DHX36: variants seen among roughly 807,000 people sequenced by gnomAD.
The protein encoded by DHX36 is ATP-dependent DNA/RNA helicase DHX36.
A neutral mutation model predicts 139.0 loss-of-function variants in DHX36; 50 were observed. The observed-to-expected ratio is 0.36, with a 90% CI of 0.29 to 0.46. DHX36 has a LOEUF of 0.46. DHX36 is among the 20% of genes least tolerant of loss of function. DHX36 has a pLI of 1.00. For missense variants in DHX36, 1,024 were observed against 1,211.3 expected, an observed-to-expected ratio of 0.85 and a Z score of 2.29; for synonymous variants, 425 against 401.9, an observed-to-expected ratio of 1.06 and a Z score of -0.69.
intron 23 of DHX36, among the ~76,000 whole-genome samples, chr3:154,277,245 G>A (rs1385354864): frequency 6.6e-6 from 1 of 151,962 alleles, no homozygotes. Flanking sequence ...TAAATAAACA[G>A]AATCTCAACA....
In DHX36 at chr3:154,324,227, T is replaced by C. The variant is rs761165750; in HGVS notation, c.190A>G (p.Met64Val). 1 of 1,613,582 alleles carries C rather than the reference T, an allele frequency of 6.2e-7. No individual in the cohort carries two copies. Among genetic ancestry groups the C allele is most frequent in the Non-Finnish European group, 8.5e-7 (1 of 1,179,712 alleles). ...TGCCCCTGTTTTTTCGCGTACCACA[T>C]GCCGATTTCGCGGCCTTTCAGGTGC... is the stretch of plus-strand genomic sequence containing the variant. ...PGHLKGREIG[M>V]WYAKKQGQKN... Residue 64 changes from methionine (M) to valine (V), a missense_variant, in exon 1 of 25, where the codon ATG becomes GTG. By Grantham distance (21) the Met-to-Val change is conservative. Transcript: ENST00000496811.
intron 2 of DHX36, among the ~76,000 whole-genome samples, chr3:154,315,802 T>C (rs566119904): frequency 1.3e-5 from 2 of 152,196 alleles, no homozygotes; most frequent in South Asian, 2.1e-4. Context: ...GGGAGAACAA[T>C]AAATAACAAC....
chr3:154,291,083 C>T (rs796145219), intron 15 of DHX36, among the ~76,000 whole-genome samples: 1,775 of 122,470 alleles, frequency 0.014, 41 homozygotes, highest in African/African-American at 0.052. Context: ...TGCAGTGAGC[C>T]GAGATCCCGC....
At chr3:154,292,327 C>G (rs1416695096) in intron 15 of DHX36, among the ~76,000 whole-genome samples, 2 of 152,036 alleles carry the variant, frequency 1.3e-5, no homozygotes, top group Non-Finnish European at 2.9e-5. Context: ...ATTAATCAAA[C>G]TTAGAAATTG....
At position 154,280,937 on chromosome 3, in the gene DHX36, A is replaced by C. The variant is rs1719316107; in HGVS notation, c.2377-75T>G. The C allele has an allele frequency of 4.5e-6, 5 of 1,101,428 alleles. No homozygotes were observed. The Admixed American group carries it at 6.4e-5, about 14-fold the overall frequency. 68.2% of individuals were successfully genotyped at this position (1,101,428 alleles called of 1,614,324 possible). A position where few individuals can be genotyped will look rare whatever the true frequency, so the allele number is the denominator to read the frequency against. ...GGCTATAAACCATACACTAATAGAT[A>C]AATTGAGTTGTAAGCTATCCCTGCT... On this transcript the variant is annotated intron_variant, in intron 20 of 24. Coordinates refer to ENST00000496811, the MANE Select transcript of DHX36 (RefSeq NM_020865.3).
intron 8 of DHX36, 27 bp from the exon 9 acceptor site, chr3:154,303,437 T>A: frequency 6.7e-7 from 1 of 1,498,254 alleles, no homozygotes; most frequent in Non-Finnish European, 9.1e-7. Context: ...AATATAAGCA[T>A]AAATTTGTAC....
chr3:154,317,788 G>C (rs1331607251), intron 1 of DHX36, among the ~76,000 whole-genome samples: 2 of 151,980 alleles, frequency 1.3e-5, no homozygotes, highest in African/African-American at 4.8e-5. Context: ...AAAGCAGACA[G>C]CAATGTGTAA....
At chr3:154,295,632 T>A (rs1466814637) in intron 12 of DHX36, among the ~76,000 whole-genome samples, 3 of 152,250 alleles carry the variant, frequency 2.0e-5, no homozygotes, top group African/African-American at 7.2e-5. Flanking sequence ...TCTGTTAGTT[T>A]ATTTCATATT....
intron 1 of DHX36, among the ~76,000 whole-genome samples, chr3:154,322,414 G>T (rs893880650): frequency 6.6e-6 from 1 of 152,240 alleles, no homozygotes; most frequent in Non-Finnish European, 1.5e-5. Flanking sequence ...AAGAATGGAA[G>T]CTAGATGACT....
At chr3:154,291,521 T>G (rs954536878) in intron 15 of DHX36, among the ~76,000 whole-genome samples, 1 of 152,170 alleles carries the variant, frequency 6.6e-6, no homozygotes, top group South Asian at 2.1e-4. Context: ...GATAACTGAT[T>G]ATTAGGAGGG....
intron 1 of DHX36, among the ~76,000 whole-genome samples, chr3:154,317,125 AT>A (rs1252172014): frequency 1.3e-5 from 2 of 152,098 alleles, no homozygotes; most frequent in African/African-American, 4.8e-5. Flanking sequence ...GGAAGAAAGA[AT>A]CAAAGAACTG....
At chr3:154,297,090 A>G (rs946049323) in intron 12 of DHX36, among the ~76,000 whole-genome samples, 1 of 152,224 alleles carries the variant, frequency 6.6e-6, no homozygotes, top group Non-Finnish European at 1.5e-5. Context: ...GGTCTTTTCC[A>G]TGACTTTACA....
intron 12 of DHX36, among the ~76,000 whole-genome samples, chr3:154,295,707 A>G (rs1394546263): frequency 6.6e-6 from 1 of 152,194 alleles, no homozygotes; most frequent in Non-Finnish European, 1.5e-5. Context: ...TTCAAATTAC[A>G]CCAATAAAAA....
intron 20 of DHX36, among the ~76,000 whole-genome samples, chr3:154,281,235 G>A (rs149044209): frequency 2.0e-5 from 3 of 151,922 alleles, no homozygotes; most frequent in African/African-American, 7.3e-5. Flanking sequence ...AAGACTAATA[G>A]AATTTTTAAA....
intron 8 of DHX36, among the ~76,000 whole-genome samples, chr3:154,303,808 C>T (rs2217955): frequency 0.06 from 9,069 of 152,100 alleles, 628 homozygotes; most frequent in East Asian, 0.25. Flanking sequence ...TTGTAGCACC[C>T]GGAATTAGCG....
At chr3:154,312,649 T>A (rs1199592806) in intron 3 of DHX36, among the ~76,000 whole-genome samples, 2 of 151,092 alleles carry the variant, frequency 1.3e-5, no homozygotes, top group Non-Finnish European at 2.9e-5. Context: ...GAGACCAGCC[T>A]GGCCAGCAAG....
At chr3:154,322,376 G>T (rs1173290323) in intron 1 of DHX36, among the ~76,000 whole-genome samples, 1 of 152,178 alleles carries the variant, frequency 6.6e-6, no homozygotes. Context: ...ACCATAGGCG[G>T]CTCTGTAAAG....
rs1293330018 is a variant in DHX36, at chr3:154,311,641, G to A, written c.637C>T (p.Gln213Ter). 1 of 1,595,820 alleles carries A rather than the reference G, an allele frequency of 6.3e-7. No homozygotes were observed. The highest frequency in any genetic ancestry group is 8.5e-7 in the Non-Finnish European group (1 of 1,174,698). ...FREKLPSYGM[Q>*]KELVNLIDNH... ...AGTGGAAAAAAGCACTTTACCTTTTGCATTCCATACGAAGGCAGCTTTTCT... is the reference window on the plus strand; with the variant it reads ...AGTGGAAAAAAGCACTTTACCTTTTACATTCCATACGAAGGCAGCTTTTCT... The change falls in exon 4 of 25, where the codon CAA (glutamine) becomes TAA (stop). Residue 213 changes from glutamine to a stop codon, truncating the protein, a stop_gained. Coordinates refer to ENST00000496811, the MANE Select transcript of DHX36 (RefSeq NM_020865.3). LOFTEE classifies it high-confidence loss of function.
At position 154,275,910 on chromosome 3, in the gene DHX36, G is replaced by A. The variant is rs114735328; in HGVS notation, c.*261C>T. The A allele has an allele frequency of 1.0e-3, 248 of 236,666 alleles. No individual in the cohort carries two copies. Among genetic ancestry groups the A allele is most frequent in the African/African-American group, 5.5e-3 (241 of 44,072 alleles). The allele number at this position is 236,666 out of a possible 1,614,324, so 14.7% of individuals were successfully genotyped here. A position where few individuals can be genotyped will look rare whatever the true frequency, so the allele number is the denominator to read the frequency against. ...GTACAATACTCAATATATATAAAGG[G>A]AATATACTCCCAAAGAGTGGGCATG... is the stretch of plus-strand genomic sequence containing the variant. On this transcript the variant is annotated 3_prime_UTR_variant, in exon 25 of 25. Coordinates refer to ENST00000496811, the MANE Select transcript of DHX36 (RefSeq NM_020865.3).
Sources: allele counts gnomAD v4.1 joint callset (sites outside exome capture counted in the v4.1 genomes callset), GRCh38; gene constraint gnomAD v4.1.1; transcripts MANE v1.5; gene names NCBI Gene and HGNC (gene_info 2026-07-23, HGNC 2026-07-21).